Variants in SPIRE1 observed in about 807,000 individuals in gnomAD.
The protein encoded by SPIRE1 is spire type actin nucleation factor 1.
Under a neutral mutation model 94.1 loss-of-function variants are expected in SPIRE1, and 40 were observed. The observed-to-expected ratio is 0.43, with a 90% confidence interval of 0.33 to 0.55. SPIRE1 has a LOEUF of 0.55. Among genes scored for constraint, SPIRE1 ranks in the 20% least tolerant of loss-of-function variants. The pLI is 0.06. For synonymous variants in SPIRE1, 376 were observed against 371.7 expected (o/e 1.01, Z -0.13); for missense variants, 838 against 975.2 (o/e 0.86, Z 1.87).
intron 1 of SPIRE1, among the ~76,000 whole-genome samples, chr18:12,643,121 A>G (rs35498213): frequency 0.25 from 38,096 of 152,012 alleles, 5,281 homozygotes; most frequent in Non-Finnish European, 0.32. Context: ...TAGTATAAAC[A>G]TTTTTAAATG....
rs1175941007 is a variant in SPIRE1, at chr18:12,455,514, T to A, written c.1639-1031A>T. ...GAAAGACTAGAGAAATGTAAAAGAT[T>A]TCATAATAAATATTTATGTTGGCTG... On this transcript the variant is annotated intron_variant, in intron 12 of 16. Transcript: ENST00000409402. Among the ~76,000 whole-genome samples the A allele has an allele frequency of 3.3e-5, 5 of 152,162 alleles. No homozygotes were observed. The East Asian group carries it at 9.6e-4, about 29-fold the overall frequency.
At chr18:12,626,867 A>AATATAT (rs1555634098) in intron 2 of SPIRE1, among the ~76,000 whole-genome samples, 1,479 of 110,320 alleles carry the variant, frequency 0.013, 20 homozygotes, top group Non-Finnish European at 0.019. Context: ...TAAGCTGTAA[A>AATATAT]ATATATATAT....
chr18:12,479,960 A>G (rs921122333), intron 9 of SPIRE1, 89 bp from the exon 10 acceptor site: 4 of 1,286,004 alleles, frequency 3.1e-6, no homozygotes, highest in African/African-American at 3.0e-5. Context: ...ATTTCATACA[A>G]AAACACAGAG....
At chr18:12,537,734 G>T (rs1401083011) in intron 3 of SPIRE1, among the ~76,000 whole-genome samples, 1 of 152,150 alleles carries the variant, frequency 6.6e-6, no homozygotes, top group African/African-American at 2.4e-5. Context: ...ATTGGATAAT[G>T]AGGTCAAGAA....
chr18:12,497,520 C>A (rs1182573647), intron 6 of SPIRE1, among the ~76,000 whole-genome samples: 1 of 152,230 alleles, frequency 6.6e-6, no homozygotes, highest in East Asian at 1.9e-4. Context: ...CCTGCTGGGG[C>A]CTACTCAACA....
chr18:12,523,690 AT>A lies in SPIRE1; in HGVS notation c.730-11160del, dbSNP rs1053823775. ...GTAGCAATAAAGTATTTTTATTCTT[AT>A]TTTTTTTTGAGACATAGTCTCACTC... On this transcript the variant is annotated intron_variant, in intron 4 of 16. Transcript: ENST00000409402. 9.9e-5 allele frequency among the ~76,000 whole-genome samples: 15 copies of A among 151,060 alleles called. No homozygotes were observed. The East Asian group carries it at 1.2e-3, about 12-fold the overall frequency.
At chr18:12,483,785 G>C (rs373717220) in intron 9 of SPIRE1, among the ~76,000 whole-genome samples, 120 of 152,158 alleles carry the variant, frequency 7.9e-4, no homozygotes, top group East Asian at 9.7e-4. Context: ...CTCAGAAAAT[G>C]CACTCCAATC....
intron 2 of SPIRE1, among the ~76,000 whole-genome samples, chr18:12,578,284 A>C (rs1407048408): frequency 6.6e-6 from 1 of 152,236 alleles, no homozygotes; most frequent in African/African-American, 2.4e-5. Context: ...ATCACCCAAA[A>C]CTGTAAATAA....
At chr18:12,561,268 A>T (rs2035675198) in intron 2 of SPIRE1, among the ~76,000 whole-genome samples, 2 of 134,900 alleles carry the variant, frequency 1.5e-5, no homozygotes, top group African/African-American at 5.4e-5. Context: ...GAATAGATCA[A>T]TTTTTTTTTT....
chr18:12,606,384 A>T (rs2144663018), intron 2 of SPIRE1, among the ~76,000 whole-genome samples: 1 of 152,322 alleles, frequency 6.6e-6, no homozygotes, highest in South Asian at 2.1e-4. Context: ...TAAAGAGGAC[A>T]GGGAAGAAGA....
intron 1 of SPIRE1, among the ~76,000 whole-genome samples, chr18:12,649,485 T>C (rs1345530816): frequency 1.3e-5 from 2 of 152,206 alleles, no homozygotes; most frequent in African/African-American, 2.4e-5. Context: ...TTTAAACAAA[T>C]ATCTGAAAGA....
intron 12 of SPIRE1, 56 bp from the exon 13 acceptor site, chr18:12,454,539 C>T: frequency 1.3e-6 from 2 of 1,558,314 alleles, no homozygotes; most frequent in East Asian, 2.2e-5. Context: ...TCTGGAAGTG[C>T]AAAATTTCCC....
In SPIRE1 at chr18:12,461,672, C is replaced by T. The variant is rs144674424; in HGVS notation, c.1638+1679G>A. Among the ~76,000 whole-genome samples the T allele has an allele frequency of 1.9e-3, 282 of 150,592 alleles. 1 individual carries two copies. Among genetic ancestry groups the T allele is most frequent in the African/African-American group, 6.5e-3 (267 of 41,086 alleles). Reference sequence around the variant, plus strand: ...AGACAGGGTCTTGCTGTGTCATCTACGCTGGGGTGGAGTGGCACATTCTTA... The same window carrying T: ...AGACAGGGTCTTGCTGTGTCATCTATGCTGGGGTGGAGTGGCACATTCTTA... On this transcript the variant is annotated intron_variant, in intron 12 of 16. Transcript: ENST00000409402.
Position 12,456,826 on chromosome 18 carries a change from C to T in SPIRE1, c.1639-2343G>A, listed in dbSNP as rs542681611. ...TGACCCACATGAAAATCCAGTACTT[C>T]ATGGGATATAATCATTTTTCTTTCG... On this transcript the variant is annotated intron_variant, in intron 12 of 16. Coordinates refer to ENST00000409402, the MANE Select transcript of SPIRE1 (RefSeq NM_001128626.2). 4.6e-5 allele frequency among the ~76,000 whole-genome samples: 7 copies of T among 152,312 alleles called. No individual in the cohort carries two copies. The South Asian group carries it at 1.4e-3, about 32-fold the overall frequency.
intron 10 of SPIRE1, among the ~76,000 whole-genome samples, chr18:12,472,518 C>T (rs2032401876): frequency 1.3e-5 from 2 of 151,640 alleles, no homozygotes; most frequent in Non-Finnish European, 1.5e-5. Context: ...CAGGGATATG[C>T]CACCATGCCA....
chr18:12,540,531 A>C (rs1280751273), intron 3 of SPIRE1, among the ~76,000 whole-genome samples: 1 of 152,030 alleles, frequency 6.6e-6, no homozygotes, highest in Non-Finnish European at 1.5e-5. Context: ...TTGCACCACT[A>C]TGCCCGGCTA....
chr18:12,547,247 C>T (rs142210869), intron 2 of SPIRE1, among the ~76,000 whole-genome samples: 215 of 152,268 alleles, frequency 1.4e-3, no homozygotes, highest in Non-Finnish European at 1.9e-3. Flanking sequence ...AACTCACTTA[C>T]GGGTAGCAAT....
intron 3 of SPIRE1, among the ~76,000 whole-genome samples, chr18:12,541,001 T>C (rs1461771796): frequency 2.0e-5 from 3 of 152,176 alleles, no homozygotes; most frequent in South Asian, 2.1e-4. Flanking sequence ...GCTGGGATTA[T>C]AGGTGTGAGC....
intron 2 of SPIRE1, among the ~76,000 whole-genome samples, chr18:12,629,835 C>T (rs1161181093): frequency 4.6e-5 from 7 of 152,112 alleles, no homozygotes. Flanking sequence ...ATTTGCATGT[C>T]ATTTAAAACA....
Sources: allele counts gnomAD v4.1 joint callset (sites outside exome capture counted in the v4.1 genomes callset), GRCh38; gene constraint gnomAD v4.1.1; transcripts MANE v1.5; gene names NCBI Gene and HGNC (gene_info 2026-07-23, HGNC 2026-07-21).